Variants in ARHGAP6 observed in about 807,000 individuals in gnomAD.
The protein encoded by ARHGAP6 is rho GTPase-activating protein 6.
A neutral mutation model predicts 55.7 loss-of-function variants in ARHGAP6; 16 were observed. The ratio of observed to expected loss-of-function variants is 0.29; its 90% CI spans 0.19 to 0.44. The LOEUF (loss-of-function observed/expected upper bound fraction) is 0.44, where lower values mean the gene tolerates loss of function less well. Ranked by LOEUF, ARHGAP6 falls within the 20% of genes least tolerant of loss-of-function variation. ARHGAP6 has a pLI of 1.00. For missense variants in ARHGAP6, 698 were observed against 808.9 expected, an observed-to-expected ratio of 0.86 and a Z score of 1.66; for synonymous variants, 382 against 360.9, an observed-to-expected ratio of 1.06 and a Z score of -0.66.
rs1463899384 is a variant in ARHGAP6 at position 11,298,941 on chromosome X, C to T, written c.589-44234G>A. 4.1e-6 allele frequency: 5 copies of T among 1,210,955 alleles called. No individual in the cohort carries two copies. The South Asian group carries it at 8.8e-5, about 21-fold the overall frequency. ...TCCTGATCTGACTCTGGAAGCTTGG[C>T]CATCAACAGACAAGACCAAGCGGGA... is the stretch of plus-strand genomic sequence containing the variant. On this transcript the variant is annotated intron_variant, in intron 1 of 12. Coordinates refer to ENST00000337414, the MANE Select transcript of ARHGAP6 (RefSeq NM_013427.3).
chrX:11,427,312 T>C (rs1959781836), intron 1 of ARHGAP6, among the ~76,000 whole-genome samples: 1 of 112,249 alleles, frequency 8.9e-6, no homozygotes, highest in Admixed American at 9.3e-5. Flanking sequence ...GACCACAGCG[T>C]TGGGGCAAAG....
chrX:11,522,353 A>G (rs2050939041), intron 1 of ARHGAP6, among the ~76,000 whole-genome samples: 1 of 111,367 alleles, frequency 9.0e-6, no homozygotes, highest in African/African-American at 3.3e-5. Flanking sequence ...AACACATTCA[A>G]AAGCTAGCAG....
rs954940363 is a variant in ARHGAP6, at chrX:11,590,837, A to G, written c.588+73404T>C. ...AAAAGAAAAGAAAAGAAAAGAAAAG[A>G]AAAGAAAAGAAAAGAAAAGAAAAGA... On this transcript the variant is annotated intron_variant, in intron 1 of 12. Transcript: ENST00000337414. Among the ~76,000 whole-genome samples the G allele has an allele frequency of 1.7e-4, 9 of 53,115 alleles. No individual in the cohort carries two copies. In the East Asian group the frequency reaches 3.9e-3, roughly 23 times the overall value. The allele number at this position is 53,115 out of a possible 115,157, so 46.1% of individuals were successfully genotyped here. A position where few individuals can be genotyped will look rare whatever the true frequency, so the allele number is the denominator to read the frequency against.
intron 1 of ARHGAP6, among the ~76,000 whole-genome samples, chrX:11,494,057 T>G (rs2050598658): frequency 9.1e-6 from 1 of 110,394 alleles, no homozygotes; most frequent in Non-Finnish European, 1.9e-5. Flanking sequence ...TTGGGACCAT[T>G]TCTGTTACAG....
At chrX:11,462,945 A>G in intron 1 of ARHGAP6, among the ~76,000 whole-genome samples, 1 of 112,616 alleles carries the variant, frequency 8.9e-6, no homozygotes, top group African/African-American at 3.2e-5. Context: ...ACTTGAGTGT[A>G]TTCTTGTATC....
chrX:11,406,813 C>T (rs955620992), intron 1 of ARHGAP6, among the ~76,000 whole-genome samples: 2 of 110,543 alleles, frequency 1.8e-5, no homozygotes, highest in African/African-American at 6.6e-5. Context: ...TGCAAGTAAA[C>T]TGAGAAGATT....
At chrX:11,281,321 T>G (rs1052925844) in intron 1 of ARHGAP6, among the ~76,000 whole-genome samples, 1 of 111,302 alleles carries the variant, frequency 9.0e-6, no homozygotes, top group Non-Finnish European at 1.9e-5. Flanking sequence ...GGGATGGTTC[T>G]CCATCTGGCA....
At chrX:11,474,889 C>T (rs1327135376) in intron 1 of ARHGAP6, among the ~76,000 whole-genome samples, 2 of 110,565 alleles carry the variant, frequency 1.8e-5, no homozygotes, top group Non-Finnish European at 3.8e-5. Flanking sequence ...GTTATAAATC[C>T]AGGATACTCC....
At chrX:11,445,373 G>C (rs1280019199) in intron 1 of ARHGAP6, among the ~76,000 whole-genome samples, 1 of 111,770 alleles carries the variant, frequency 8.9e-6, no homozygotes, top group Admixed American at 9.5e-5. Context: ...CCACATGGGG[G>C]CCAGATAATT....
intron 1 of ARHGAP6, among the ~76,000 whole-genome samples, chrX:11,325,832 C>T (rs1321932470): frequency 8.9e-6 from 1 of 112,063 alleles, no homozygotes; most frequent in Non-Finnish European, 1.9e-5. Context: ...TGTCTGGAAA[C>T]ATTTTTGGTT....
chrX:11,338,531 A>G (rs182198732), intron 1 of ARHGAP6, among the ~76,000 whole-genome samples: 2 of 111,680 alleles, frequency 1.8e-5, no homozygotes, highest in Non-Finnish European at 3.8e-5. Flanking sequence ...GGGCAAAAAT[A>G]AGTTAATTAA....
chrX:11,173,226 G>A (rs1369330683), intron 8 of ARHGAP6, among the ~76,000 whole-genome samples: 1 of 111,998 alleles, frequency 8.9e-6, no homozygotes, highest in Non-Finnish European at 1.9e-5. Context: ...ACGGGAAAAC[G>A]AGCTTTAAAA....
intron 1 of ARHGAP6, among the ~76,000 whole-genome samples, chrX:11,321,416 C>T (rs1038676847): frequency 9.0e-6 from 1 of 111,224 alleles, no homozygotes; most frequent in African/African-American, 3.3e-5. Context: ...AAATAAGTAC[C>T]TTTTCTAAAA....
intron 2 of ARHGAP6, among the ~76,000 whole-genome samples, chrX:11,208,207 G>A (rs1202132752): frequency 9.0e-6 from 1 of 111,417 alleles, no homozygotes; most frequent in Non-Finnish European, 1.9e-5. Flanking sequence ...AAAATCAGCT[G>A]TGATTCAGAC....
intron 1 of ARHGAP6, among the ~76,000 whole-genome samples, chrX:11,554,809 C>T (rs192269568): frequency 2.2e-3 from 250 of 112,095 alleles, no homozygotes; most frequent in Non-Finnish European, 3.6e-3. Context: ...TCTCTCCCCC[C>T]ATAGATGTCT....
At chrX:11,323,624 G>A (rs1045312723) in intron 1 of ARHGAP6, among the ~76,000 whole-genome samples, 2 of 111,712 alleles carry the variant, frequency 1.8e-5, no homozygotes, top group Non-Finnish European at 3.8e-5. Context: ...CAGCACTTTG[G>A]GATGCTGAGG....
intron 1 of ARHGAP6, among the ~76,000 whole-genome samples, chrX:11,351,047 T>TACACACAC (rs35026703): frequency 0.023 from 1,995 of 87,927 alleles, 23 homozygotes; most frequent in Middle Eastern, 0.069. Flanking sequence ...ATATTCAAAT[T>TACACACAC]ACACACACAC....
intron 1 of ARHGAP6, among the ~76,000 whole-genome samples, chrX:11,500,958 G>A (rs1443741755): frequency 9.1e-6 from 1 of 110,334 alleles, no homozygotes; most frequent in Non-Finnish European, 1.9e-5. Flanking sequence ...AGTCAACAGC[G>A]TGGTTGTTGG....
chrX:11,431,869 C>G (rs1031329955), intron 1 of ARHGAP6, among the ~76,000 whole-genome samples: 1 of 112,233 alleles, frequency 8.9e-6, no homozygotes, highest in African/African-American at 3.2e-5. Flanking sequence ...TAGACACTGT[C>G]ATGACTTCAC....
Sources: gnomAD v4.1 joint callset for allele counts (sites outside exome capture counted in the v4.1 genomes callset) on GRCh38, gnomAD v4.1.1 for gene constraint, MANE v1.5 for transcripts, NCBI Gene and HGNC (gene_info 2026-07-23, HGNC 2026-07-21) for gene names.